Variants in NRXN3 observed in about 807,000 individuals in gnomAD.
NRXN3 encodes neurexin III.
A neutral mutation model predicts 137.6 loss-of-function variants in NRXN3; 32 were observed. The observed-to-expected ratio is 0.23, with a 90% confidence interval of 0.18 to 0.31. The LOEUF (loss-of-function observed/expected upper bound fraction) is 0.31, where lower values mean the gene tolerates loss of function less well. Among genes scored for constraint, NRXN3 ranks in the 10% least tolerant of loss-of-function variants. NRXN3 has a pLI of 1.00. For synonymous variants in NRXN3, 798 were observed against 784.5 expected (o/e 1.02, Z -0.29); for missense variants, 1,574 against 2,062.5 (o/e 0.76, Z 4.59).
At chr14:78,456,755 CT>C (rs148094333) in intron 4 of NRXN3, among the ~76,000 whole-genome samples, 2,559 of 152,180 alleles carry the variant, frequency 0.017, 81 homozygotes, top group African/African-American at 0.058. Context: ...TTTTCTCCCC[CT>C]ACAGGCTCTG....
intron 17 of NRXN3, among the ~76,000 whole-genome samples, chr14:79,686,453 G>A (rs1428263128): frequency 6.6e-6 from 1 of 152,080 alleles, no homozygotes; most frequent in Non-Finnish European, 1.5e-5. Context: ...CCTTAGGTGA[G>A]TGTTAGGGAA....
At chr14:78,528,978 C>T (rs2153809749) in intron 4 of NRXN3, among the ~76,000 whole-genome samples, 1 of 152,254 alleles carries the variant, frequency 6.6e-6, no homozygotes, top group East Asian at 1.9e-4. Flanking sequence ...CCAGTCATAG[C>T]CCCTTATTTT....
chr14:78,541,564 T>C (rs1311454623), intron 4 of NRXN3, among the ~76,000 whole-genome samples: 2 of 152,334 alleles, frequency 1.3e-5, no homozygotes, highest in East Asian at 3.9e-4. Flanking sequence ...TCTAACATCC[T>C]CCTTTAGCTT....
At chr14:78,374,299 A>G (rs915123828) in intron 4 of NRXN3, among the ~76,000 whole-genome samples, 5 of 152,178 alleles carry the variant, frequency 3.3e-5, no homozygotes, top group African/African-American at 9.7e-5. Context: ...TATAAGTTTT[A>G]TGGTTGTTTA....
chr14:79,492,116 G>A (rs1056230812), intron 16 of NRXN3, among the ~76,000 whole-genome samples: 6 of 152,006 alleles, frequency 3.9e-5, no homozygotes, highest in Non-Finnish European at 7.4e-5. Flanking sequence ...AATTTGCTTG[G>A]CCAACTCAGA....
chr14:78,991,655 T>G (rs992365646), intron 15 of NRXN3, among the ~76,000 whole-genome samples: 7 of 152,198 alleles, frequency 4.6e-5, no homozygotes, highest in African/African-American at 1.7e-4. Flanking sequence ...ACTAAATCCA[T>G]CATGTGTAAA....
chr14:78,858,473 G>C (rs762879475), intron 10 of NRXN3, among the ~76,000 whole-genome samples: 2 of 152,128 alleles, frequency 1.3e-5, no homozygotes, highest in Non-Finnish European at 2.9e-5. Flanking sequence ...TGAAGAAAGA[G>C]GTAAAGATGA....
chr14:78,183,515 A>G (rs1045238584), intron 1 of NRXN3, among the ~76,000 whole-genome samples: 3 of 152,218 alleles, frequency 2.0e-5, no homozygotes, highest in African/African-American at 7.2e-5. Flanking sequence ...AGAAAGAGAA[A>G]GGAGATGTGT....
At chr14:78,382,404 A>C (rs1260732840) in intron 4 of NRXN3, among the ~76,000 whole-genome samples, 1 of 152,186 alleles carries the variant, frequency 6.6e-6, no homozygotes, top group Non-Finnish European at 1.5e-5. Context: ...TTAGTGATGC[A>C]TTCTGTGTAT....
chr14:78,440,008 G>C (rs1227293419), intron 4 of NRXN3, among the ~76,000 whole-genome samples: 1 of 152,180 alleles, frequency 6.6e-6, no homozygotes, highest in African/African-American at 2.4e-5. Flanking sequence ...TCCCACATGA[G>C]GGCATTGCCC....
At chr14:78,581,813 G>T (rs533931963) in intron 4 of NRXN3, among the ~76,000 whole-genome samples, 37 of 152,282 alleles carry the variant, frequency 2.4e-4, no homozygotes, top group African/African-American at 7.9e-4. Context: ...CTATACAGCA[G>T]GAGGAACTGA....
intron 16 of NRXN3, among the ~76,000 whole-genome samples, chr14:79,478,199 A>G (rs1367019328): frequency 1.3e-5 from 2 of 148,170 alleles, no homozygotes; most frequent in African/African-American, 4.9e-5. Context: ...ATATATTTAT[A>G]CAAATATATA....
intron 16 of NRXN3, among the ~76,000 whole-genome samples, chr14:79,575,717 T>C (rs2097657987): frequency 6.6e-6 from 1 of 152,172 alleles, no homozygotes; most frequent in Admixed American, 6.5e-5. Context: ...CTCAGTGAAA[T>C]GATTGCTTCC....
chr14:79,340,463 T>A (rs1361080039), intron 15 of NRXN3, among the ~76,000 whole-genome samples: 2 of 152,096 alleles, frequency 1.3e-5, no homozygotes, highest in African/African-American at 4.8e-5. Context: ...TTTATTTACG[T>A]ATGTATGTAT....
At chr14:79,363,892 A>G (rs1372341661) in intron 15 of NRXN3, among the ~76,000 whole-genome samples, 1 of 152,218 alleles carries the variant, frequency 6.6e-6, no homozygotes, top group African/African-American at 2.4e-5. Flanking sequence ...TCTGTTGATA[A>G]TGGGCTTCAT....
chr14:78,993,834 ATTTTTT>A (rs58170856), intron 15 of NRXN3, among the ~76,000 whole-genome samples: 1,728 of 66,402 alleles, frequency 0.026, 21 homozygotes, highest in African/African-American at 0.07. Context: ...GAGCCTTGAA[ATTTTTT>A]TTTTTTTTTT....
At chr14:79,665,075 G>C (rs1474734467) in intron 17 of NRXN3, among the ~76,000 whole-genome samples, 1 of 152,164 alleles carries the variant, frequency 6.6e-6, no homozygotes, top group Non-Finnish European at 1.5e-5. Flanking sequence ...TGTAGGCCAA[G>C]ACTTTGAATG....
chr14:79,404,574 G>C (rs572574743), intron 15 of NRXN3, among the ~76,000 whole-genome samples: 6 of 152,246 alleles, frequency 3.9e-5, no homozygotes, highest in South Asian at 2.1e-4. Context: ...GTTTCTCTAA[G>C]AAAAGGTAGG....
intron 16 of NRXN3, 50 bp downstream of exon 16, chr14:79,467,452 G>T: frequency 6.7e-7 from 1 of 1,494,882 alleles, no homozygotes; most frequent in Non-Finnish European, 9.1e-7. Context: ...GGTGGTCTGA[G>T]TTAGTGATTC....
Sources: allele counts gnomAD v4.1 joint callset (sites outside exome capture counted in the v4.1 genomes callset), GRCh38; gene constraint gnomAD v4.1.1; transcripts MANE v1.5; gene names NCBI Gene and HGNC (gene_info 2026-07-23, HGNC 2026-07-21).